The following CEP83 variants were observed in gnomAD, a reference collection of about 807,000 sequenced individuals.
CEP83 encodes the protein centrosomal protein of 83 kDa.
In CEP83, 70 loss-of-function variants were observed where a neutral mutation model predicts 101.9. The ratio of observed to expected loss-of-function variants is 0.69; its 90% CI spans 0.57 to 0.84. CEP83 has a LOEUF of 0.84. Ranked by LOEUF, CEP83 falls within the 40% of genes least tolerant of loss-of-function variation. CEP83 has a pLI of 0.00. For missense variants in CEP83, 715 were observed against 787.2 expected (o/e 0.91, Z 1.10); for synonymous variants, 264 against 267.9 (o/e 0.99, Z 0.14).
At chr12:94,431,407 C>G (rs1285633851) in intron 2 of CEP83, among the ~76,000 whole-genome samples, 1 of 152,014 alleles carries the variant, frequency 6.6e-6, no homozygotes, top group Non-Finnish European at 1.5e-5. Context: ...GCTAACACTT[C>G]AAAAGCACAG....
At chr12:94,287,679 T>G in the CEP83 span, among the ~76,000 whole-genome samples, 3 of 152,202 alleles carry the variant, frequency 2.0e-5, no homozygotes, top group Admixed American at 2.0e-4. Flanking sequence ...AAAAGATATT[T>G]AAAGCTCATA....
chr12:94,437,017 T>C (rs915441563), intron 1 of CEP83, among the ~76,000 whole-genome samples: 2 of 151,894 alleles, frequency 1.3e-5, no homozygotes, highest in Non-Finnish European at 2.9e-5. Flanking sequence ...TGAGGAAAAC[T>C]TCCCCGGTTT....
the CEP83 span, among the ~76,000 whole-genome samples, chr12:94,265,709 T>C: frequency 6.6e-6 from 1 of 152,182 alleles, no homozygotes; most frequent in African/African-American, 2.4e-5. Context: ...TAGTTACAAA[T>C]GTTTGGTGTC....
intron 11 of CEP83, among the ~76,000 whole-genome samples, chr12:94,367,146 G>T (rs902693718): frequency 3.9e-5 from 6 of 152,058 alleles, no homozygotes; most frequent in African/African-American, 1.4e-4. Flanking sequence ...ATTATCAATG[G>T]ATACTAAAAT....
intron 1 of CEP83, among the ~76,000 whole-genome samples, chr12:94,439,378 C>T (rs867719884): frequency 1.3e-5 from 2 of 151,990 alleles, no homozygotes; most frequent in Admixed American, 6.6e-5. Context: ...AAAGATTGTG[C>T]TTTTGTATGG....
chr12:94,411,412 A>G (rs2063871895), intron 4 of CEP83, among the ~76,000 whole-genome samples: 1 of 152,148 alleles, frequency 6.6e-6, no homozygotes, highest in Non-Finnish European at 1.5e-5. Context: ...ATTTTTATCA[A>G]TTCAAACTCA....
chr12:94,304,094 A>G, downstream of CEP83: 1 of 1,207,478 alleles, frequency 8.3e-7, no homozygotes, highest in South Asian at 1.3e-5. Context: ...TGAATCAGGC[A>G]CAAGGATGTG....
the CEP83 span, among the ~76,000 whole-genome samples, chr12:94,273,743 T>C: frequency 1.3e-5 from 2 of 152,120 alleles, no homozygotes; most frequent in African/African-American, 2.4e-5. Flanking sequence ...GCAAAGTAAA[T>C]GGTCATCAAT....
Position 94,333,516 on chromosome 12 carries a change from T to G in CEP83, c.1543A>C (p.Ser515Arg). The change falls in exon 13 of 17, where the codon AGC becomes CGC. Residue 515 changes from serine to arginine, a missense_variant. Transcript: ENST00000397809. ...TCTAGTTGCGCTTTTTCAGCTTGGCTTCTAAAATTTCGGCATTCTTGTTTT... is the reference window on the plus strand; with the variant it reads ...TCTAGTTGCGCTTTTTCAGCTTGGCGTCTAAAATTTCGGCATTCTTGTTTT... ...RLKQECRNFR[S>R]QAEKAQLEAE... The G allele has an allele frequency of 6.2e-7, 1 of 1,613,636 alleles. No individual in the cohort carries two copies. The highest frequency in any genetic ancestry group is 2.2e-5 in the East Asian group (1 of 44,856).
At chr12:94,359,547 C>T (rs1024447237) in intron 11 of CEP83, among the ~76,000 whole-genome samples, 40 of 152,082 alleles carry the variant, frequency 2.6e-4, no homozygotes, top group African/African-American at 9.4e-4. Flanking sequence ...GGATAAATTG[C>T]TAAACACACA....
At chr12:94,296,776 A>G in the CEP83 span, among the ~76,000 whole-genome samples, 4 of 152,236 alleles carry the variant, frequency 2.6e-5, no homozygotes. Flanking sequence ...TATCACAGTT[A>G]TAATAATTGT....
At chr12:94,377,123 C>T (rs2061595221) in intron 7 of CEP83, among the ~76,000 whole-genome samples, 1 of 152,140 alleles carries the variant, frequency 6.6e-6, no homozygotes. Context: ...CATATAGATG[C>T]TGTTCGACTT....
At chr12:94,356,034 C>T (rs1358544319) in intron 11 of CEP83, among the ~76,000 whole-genome samples, 1 of 152,144 alleles carries the variant, frequency 6.6e-6, no homozygotes, top group Non-Finnish European at 1.5e-5. Flanking sequence ...TCCTCTAGTG[C>T]CGCTGGGTTA....
intron 6 of CEP83, among the ~76,000 whole-genome samples, chr12:94,386,261 G>T (rs1478185143): frequency 6.6e-6 from 1 of 152,116 alleles, no homozygotes; most frequent in Non-Finnish European, 1.5e-5. Flanking sequence ...AAAGTACTAT[G>T]CATTAAGAGT....
chr12:94,346,931 A>G (rs988241076), intron 11 of CEP83, among the ~76,000 whole-genome samples: 2 of 152,032 alleles, frequency 1.3e-5, no homozygotes, highest in Non-Finnish European at 2.9e-5. Flanking sequence ...CCAGCTACTC[A>G]GGAGGCTGAG....
intron 14 of CEP83, among the ~76,000 whole-genome samples, chr12:94,317,909 CTT>C (rs1970985291): frequency 6.6e-6 from 1 of 152,076 alleles, no homozygotes; most frequent in South Asian, 2.1e-4. Context: ...TATTTGGACT[CTT>C]TTTTGGTTCC....
downstream of CEP83, chr12:94,304,224 C>T (rs879606566): frequency 3.8e-6 from 2 of 526,748 alleles, no homozygotes; most frequent in Admixed American, 6.9e-5. Context: ...TACATGGCTG[C>T]CCCCCTTACA....
intron 2 of CEP83, among the ~76,000 whole-genome samples, chr12:94,426,166 T>C (rs1032482534): frequency 2.0e-5 from 3 of 152,062 alleles, no homozygotes; most frequent in African/African-American, 7.2e-5. Flanking sequence ...ATTTGTCTCA[T>C]TGCACTAATT....
At chr12:94,349,407 T>A (rs2060101844) in intron 11 of CEP83, among the ~76,000 whole-genome samples, 1 of 152,148 alleles carries the variant, frequency 6.6e-6, no homozygotes, top group African/African-American at 2.4e-5. Flanking sequence ...CTATTTTGAT[T>A]AATAAAGATG....
Sources: allele counts gnomAD v4.1 joint callset (sites outside exome capture counted in the v4.1 genomes callset), GRCh38; gene constraint gnomAD v4.1.1; transcripts MANE v1.5; gene names NCBI Gene and HGNC (gene_info 2026-07-23, HGNC 2026-07-21).